MICAL3: variants seen among roughly 807,000 people sequenced by gnomAD.
MICAL3 encodes the protein [F-actin]-monooxygenase MICAL3.
In MICAL3, 62 loss-of-function variants were observed where a neutral mutation model predicts 207.4. The ratio of observed to expected loss-of-function variants is 0.30; its 90% CI spans 0.24 to 0.37. MICAL3 has a LOEUF of 0.37. Ranked by LOEUF, MICAL3 falls within the 10% of genes least tolerant of loss-of-function variation. The probability of loss-of-function intolerance (pLI) is 1.00; values close to 1 mark genes in which losing one functional copy is unlikely to be tolerated. For synonymous variants in MICAL3, 1,077 were observed against 1,069.3 expected (o/e 1.01, Z -0.14); for missense variants, 2,368 against 2,635.6 (o/e 0.90, Z 2.22).
At chr22:17,997,578 G>T (rs1198863515) in intron 1 of MICAL3, among the ~76,000 whole-genome samples, 1 of 152,088 alleles carries the variant, frequency 6.6e-6, no homozygotes, top group Non-Finnish European at 1.5e-5. Flanking sequence ...AGGCGTCAGG[G>T]CTCTCAGGCC....
At chr22:17,960,840 A>C (rs1350607237) in intron 1 of MICAL3, among the ~76,000 whole-genome samples, 1 of 152,156 alleles carries the variant, frequency 6.6e-6, no homozygotes, top group South Asian at 2.1e-4. Context: ...GCAAGGACCG[A>C]AGGAGCCAGC....
intron 19 of MICAL3, chr22:17,860,555 G>A (rs1382713877): frequency 3.0e-6 from 3 of 985,390 alleles, no homozygotes; most frequent in Admixed American, 6.1e-5. Context: ...TTTTGGGACA[G>A]CCTAGGAATG....
intron 1 of MICAL3, chr22:18,004,970 G>A (rs1002516773): frequency 1.3e-5 from 2 of 150,960 alleles, no homozygotes; most frequent in Non-Finnish European, 2.9e-5. Flanking sequence ...GTCACACTCT[G>A]TCACCCAGGC....
At chr22:17,798,592 C>T (rs2061901408) in intron 29 of MICAL3, among the ~76,000 whole-genome samples, 1 of 152,016 alleles carries the variant, frequency 6.6e-6, no homozygotes, top group African/African-American at 2.4e-5. Context: ...GGCGGTGATG[C>T]CACTATATTT....
chr22:17,987,106 G>A (rs936044437), intron 1 of MICAL3, among the ~76,000 whole-genome samples: 1 of 151,982 alleles, frequency 6.6e-6, no homozygotes, highest in Non-Finnish European at 1.5e-5. Context: ...CCAGGCATAG[G>A]GGTGCATGCC....
At chr22:17,820,979 A>G (rs1216877651) in intron 25 of MICAL3, among the ~76,000 whole-genome samples, 2 of 145,596 alleles carry the variant, frequency 1.4e-5, no homozygotes, top group Non-Finnish European at 3.0e-5. Context: ...TATATTTATA[A>G]ACATAAATTT....
At chr22:17,811,938 G>T (rs432775) in intron 27 of MICAL3, among the ~76,000 whole-genome samples, 2 of 151,580 alleles carry the variant, frequency 1.3e-5, no homozygotes, top group Non-Finnish European at 2.9e-5. Context: ...TTGCAGAGAC[G>T]GGATCTCGTT....
At chr22:17,809,774 G>A (rs2062024265) in intron 28 of MICAL3, among the ~76,000 whole-genome samples, 2 of 152,340 alleles carry the variant, frequency 1.3e-5, no homozygotes, top group South Asian at 2.1e-4. Flanking sequence ...ATCAGAGGCT[G>A]AGGGGCCACA....
chr22:17,810,869 G>T, intron 27 of MICAL3, 56 bp from the exon 28 acceptor site: 1 of 1,452,498 alleles, frequency 6.9e-7, no homozygotes, highest in East Asian at 2.3e-5. Flanking sequence ...TGGGACAGGG[G>T]TGGGCAGCAG....
intron 1 of MICAL3, among the ~76,000 whole-genome samples, chr22:18,020,612 G>GCAA (rs2031399001): frequency 5.3e-5 from 2 of 38,044 alleles, no homozygotes; most frequent in East Asian, 1.4e-3. Context: ...CCTTTAAAAA[G>GCAA]TAAAAAAAAA....
chr22:17,826,581 C>T, intron 22 of MICAL3: 7 of 831,780 alleles, frequency 8.4e-6, no homozygotes, highest in Non-Finnish European at 1.0e-5. Context: ...CGAGGAGAGC[C>T]AAGGTCATCC....
rs1569166540 is a variant in MICAL3 at position 18,010,881 on chromosome 22, GCCTTTCCC to G, written c.-75+13392_-75+13399del. On this transcript the variant is annotated intron_variant, in intron 1 of 31. Coordinates refer to ENST00000441493, the MANE Select transcript of MICAL3 (RefSeq NM_015241.3). Reference sequence around the variant, plus strand: ...TTCATTTGGGAAGAGAATGGGGTATGCCTTTCCCCATACTTTTGTAATGGGGAAAAAAT... The same window carrying G: ...TTCATTTGGGAAGAGAATGGGGTATGCATACTTTTGTAATGGGGAAAAAAT... Among the ~76,000 whole-genome samples, 1,353 of 152,194 alleles carry G rather than the reference GCCTTTCCC, an allele frequency of 8.9e-3. 14 individuals carry two copies. Among genetic ancestry groups the G allele is most frequent in the African/African-American group, 0.03 (1,243 of 41,512 alleles).
intron 17 of MICAL3, among the ~76,000 whole-genome samples, chr22:17,870,557 G>A (rs1927624771): frequency 6.6e-6 from 1 of 152,160 alleles, no homozygotes; most frequent in Admixed American, 6.5e-5. Flanking sequence ...GCTGCACCTT[G>A]CGACATCTTC....
At chr22:17,872,438 T>A (rs111653868) in intron 16 of MICAL3, among the ~76,000 whole-genome samples, 1 of 152,008 alleles carries the variant, frequency 6.6e-6, no homozygotes, top group Non-Finnish European at 1.5e-5. Flanking sequence ...AACACACACA[T>A]GGAAGAAGGC....
intron 19 of MICAL3, among the ~76,000 whole-genome samples, chr22:17,853,111 AT>A (rs1413404809): frequency 6.6e-6 from 1 of 152,102 alleles, no homozygotes; most frequent in Non-Finnish European, 1.5e-5. Context: ...CTTAATGTAA[AT>A]CCTGTGTAGG....
intron 1 of MICAL3, among the ~76,000 whole-genome samples, chr22:17,993,363 C>T (rs1453995651): frequency 6.6e-6 from 1 of 152,008 alleles, no homozygotes; most frequent in East Asian, 1.9e-4. Context: ...AACCTGTCAT[C>T]TAGGTTTGAA....
chr22:17,980,026 A>C (rs980170858), intron 1 of MICAL3, among the ~76,000 whole-genome samples: 2 of 152,174 alleles, frequency 1.3e-5, no homozygotes, highest in African/African-American at 2.4e-5. Context: ...AAGGGGTCTC[A>C]TTATATTGTC....
chr22:17,860,887 A>C, intron 19 of MICAL3: 4 of 985,450 alleles, frequency 4.1e-6, no homozygotes, highest in Non-Finnish European at 4.8e-6. Flanking sequence ...CAGAACCAGG[A>C]ACAAGCAGCT....
intron 16 of MICAL3, among the ~76,000 whole-genome samples, chr22:17,881,970 C>A (rs927504391): frequency 2.0e-5 from 3 of 151,432 alleles, no homozygotes; most frequent in African/African-American, 7.3e-5. Context: ...GAGAAACAAT[C>A]ACACATTCCC....
Sources: gnomAD v4.1 joint callset for allele counts (sites outside exome capture counted in the v4.1 genomes callset) on GRCh38, gnomAD v4.1.1 for gene constraint, MANE v1.5 for transcripts, NCBI Gene and HGNC (gene_info 2026-07-23, HGNC 2026-07-21) for gene names.